Variants in ATP1A1 observed in about 807,000 individuals in gnomAD.
The protein encoded by ATP1A1 is sodium/potassium-transporting ATPase subunit alpha-1.
Under a neutral mutation model 114.8 loss-of-function variants are expected in ATP1A1, and 14 were observed. The observed-to-expected ratio is 0.12, with a 90% CI of 0.08 to 0.19. The LOEUF (loss-of-function observed/expected upper bound fraction) is 0.19, where lower values mean the gene tolerates loss of function less well. Among genes scored for constraint, ATP1A1 ranks in the 10% least tolerant of loss-of-function variants. The pLI, the probability that ATP1A1 is intolerant of heterozygous loss-of-function variation, is 1.00. For synonymous variants in ATP1A1, 471 were observed against 466.3 expected, an observed-to-expected ratio of 1.01 and a Z score of -0.13; for missense variants, 524 against 1,290.7, an observed-to-expected ratio of 0.41 and a Z score of 9.10.
At chr1:116,402,243 G>T (rs1398541778) in intron 21 of ATP1A1, among the ~76,000 whole-genome samples, 1 of 152,076 alleles carries the variant, frequency 6.6e-6, no homozygotes, top group East Asian at 1.9e-4. Context: ...TTTCAAAGAG[G>T]GTTTATCACA....
At position 116,384,125 on chromosome 1, in the gene ATP1A1, G is replaced by GATGATCA; in HGVS notation, c.123+1_123+2insATGATCA. On this transcript the variant is annotated splice_donor_variant, in intron 2 of 22. Transcript: ENST00000295598. LOFTEE classifies it high-confidence loss of function. This position sits in a 1 kb window ranked among gnomAD's most constrained non-coding sequence, Gnocchi z 5.1. ...TGAACTGAAGAAAGAAGTTTCTATGGTAAGTACTAGGAGGAATATTGTATT... is the reference window on the plus strand; with the variant it reads ...TGAACTGAAGAAAGAAGTTTCTATGGATGATCATAAGTACTAGGAGGAATATTGTATT... 1 of 1,609,624 alleles carries GATGATCA rather than the reference G, an allele frequency of 6.2e-7. No homozygotes were observed. Among genetic ancestry groups the GATGATCA allele is most frequent in the Non-Finnish European group, 8.5e-7 (1 of 1,175,978 alleles).
rs1318892925 is a variant in ATP1A1, at chr1:116,388,568, A to AT, written c.502-66dup. On this transcript the variant is annotated intron_variant, in intron 5 of 22. Coordinates refer to ENST00000295598, the MANE Select transcript of ATP1A1 (RefSeq NM_000701.8). This position sits in a 1 kb window ranked among gnomAD's most constrained non-coding sequence, Gnocchi z 5.6. Reference sequence around the variant, plus strand: ...GGTAATTAGGATTATGACTATTTTTATTTTCTTGTTTTGGACACTACCTTC... The same window carrying AT: ...GGTAATTAGGATTATGACTATTTTTATTTTTCTTGTTTTGGACACTACCTTC... 15 of 1,519,304 alleles carry AT rather than the reference A, an allele frequency of 9.9e-6. No individual in the cohort carries two copies. Among genetic ancestry groups the AT allele is most frequent in the Non-Finnish European group, 1.2e-5 (14 of 1,122,072 alleles). 94.1% of individuals were successfully genotyped at this position (1,519,304 alleles called of 1,614,324 possible).
At position 116,381,079 on chromosome 1, in the gene ATP1A1, C is replaced by T. The variant is rs1335864950; in HGVS notation, c.13-2935C>T. On this transcript the variant is annotated intron_variant, in intron 1 of 22. Transcript: ENST00000295598. The surrounding 1 kb of genome is among the most constrained non-coding windows in gnomAD (Gnocchi z 5.1). ...GAACATGATGAGAGTGAGGATTAAT[C>T]ACTCCCAGTCCTCTGGGAGGGGGGA... Among the ~76,000 whole-genome samples, 1 of 152,164 alleles carries T rather than the reference C, an allele frequency of 6.6e-6. No homozygotes were observed. The highest frequency in any genetic ancestry group is 1.5e-5 in the Non-Finnish European group (1 of 68,036).
At chr1:116,392,763 G>T in intron 10 of ATP1A1, 91 bp from the exon 11 acceptor site, 5 of 1,468,084 alleles carry the variant, frequency 3.4e-6, no homozygotes, top group Non-Finnish European at 4.6e-6. Context: ...TGACAAGATT[G>T]GAATGTGTCT....
chr1:116,399,263 A>G lies in ATP1A1; in HGVS notation c.2449-157A>G, dbSNP rs562680057. Reference sequence around the variant, plus strand: ...AATCAGTATTACCACTCTTCAAGGCAGCAGTTAACATTTGTTTATCAGATG... The same window carrying G: ...AATCAGTATTACCACTCTTCAAGGCGGCAGTTAACATTTGTTTATCAGATG... On this transcript the variant is annotated intron_variant, in intron 17 of 22. Transcript: ENST00000295598. The surrounding 1 kb of genome is among the most constrained non-coding windows in gnomAD (Gnocchi z 5.0). The G allele has an allele frequency of 1.5e-6, 2 of 1,342,046 alleles. No individual in the cohort carries two copies. Among genetic ancestry groups the G allele is most frequent in the East Asian group, 4.7e-5 (2 of 42,490 alleles). The allele number at this position is 1,342,046 out of a possible 1,614,324, so 83.1% of individuals were successfully genotyped here. A position where few individuals can be genotyped will look rare whatever the true frequency, so the allele number is the denominator to read the frequency against.
intron 1 of ATP1A1, chr1:116,373,875 G>T: frequency 7.9e-7 from 1 of 1,272,372 alleles, no homozygotes; most frequent in Non-Finnish European, 9.9e-7. Context: ...GCAGCAGCGG[G>T]GGCGGCCCCG....
chr1:116,391,444 A>C (rs1652468166), intron 10 of ATP1A1, among the ~76,000 whole-genome samples: 1 of 152,222 alleles, frequency 6.6e-6, no homozygotes, highest in African/African-American at 2.4e-5. Context: ...ATTCTGATGC[A>C]GTTTGAAATG....
intron 1 of ATP1A1, chr1:116,374,316 C>G: frequency 6.5e-7 from 1 of 1,545,986 alleles, no homozygotes; most frequent in South Asian, 1.2e-5. Context: ...AGTTGTCATC[C>G]GATGGTGGGG....
At position 116,399,782 on chromosome 1, in the gene ATP1A1, G is replaced by C. The variant is rs1371645233; in HGVS notation, c.2572+239G>C. Among the ~76,000 whole-genome samples, 1 of 152,176 alleles carries C rather than the reference G, an allele frequency of 6.6e-6. No homozygotes were observed. The highest frequency in any genetic ancestry group is 1.5e-5 in the Non-Finnish European group (1 of 68,022). ...CTGGTTTTCTATACTGAGCACCTTG[G>C]AACTGGGCTCAACTCTGCCTGAGAA... On this transcript the variant is annotated intron_variant, in intron 18 of 22. Transcript: ENST00000295598. The surrounding 1 kb of genome is among the most constrained non-coding windows in gnomAD (Gnocchi z 5.0).
Position 116,388,575 on chromosome 1 carries a change from T to G in ATP1A1, c.502-63T>G. The G allele has an allele frequency of 6.5e-7, 1 of 1,533,610 alleles. No homozygotes were observed. The highest frequency in any genetic ancestry group is 8.8e-7 in the Non-Finnish European group (1 of 1,132,392). ...AGGATTATGACTATTTTTATTTTCT[T>G]GTTTTGGACACTACCTTCTCTTTGT... On this transcript the variant is annotated intron_variant, in intron 5 of 22. Transcript: ENST00000295598. The surrounding 1 kb of genome is among the most constrained non-coding windows in gnomAD (Gnocchi z 5.6).
Position 116,401,774 on chromosome 1 carries a change from T to C in ATP1A1, c.2951+119T>C. 1.0e-6 allele frequency: 1 copy of C among 998,390 alleles called. No individual in the cohort carries two copies. The highest frequency in any genetic ancestry group is 1.5e-5 in the South Asian group (1 of 67,120). The allele number at this position is 998,390 out of a possible 1,614,324, so 61.8% of individuals were successfully genotyped here. On this transcript the variant is annotated intron_variant, in intron 21 of 22. Transcript: ENST00000295598. The surrounding 1 kb of genome is among the most constrained non-coding windows in gnomAD (Gnocchi z 4.7). ...TTTGAGTGGTATGTACAAAAATTCC[T>C]ATGGGTTGGAAAACTGTGAAAGCTT... is the stretch of plus-strand genomic sequence containing the variant.
Position 116,395,304 on chromosome 1 carries a change from C to T in ATP1A1, c.1836+19C>T. ...AATTAAGGTAGTGCCCAGGCGCCTC[C>T]TTGGCTTCATCTCTTAGTGCCTTGG... On this transcript the variant is annotated intron_variant, in intron 13 of 22. Coordinates refer to ENST00000295598, the MANE Select transcript of ATP1A1 (RefSeq NM_000701.8). This position sits in a 1 kb window ranked among gnomAD's most constrained non-coding sequence, Gnocchi z 6.4. The T allele has an allele frequency of 6.2e-7, 1 of 1,611,996 alleles. No homozygotes were observed. Among genetic ancestry groups the T allele is most frequent in the Non-Finnish European group, 8.5e-7 (1 of 1,179,122 alleles).
In ATP1A1 at chr1:116,398,761, T is replaced by C; in HGVS notation, c.2265T>C (p.Phe755=). 1 of 1,614,176 alleles carries C rather than the reference T, an allele frequency of 6.2e-7. No homozygotes were observed. The highest frequency in any genetic ancestry group is 1.3e-5 in the African/African-American group (1 of 75,030). Residue 755 remains phenylalanine, a synonymous_variant, in exon 16 of 23, where the codon TTT becomes TTC. Coordinates refer to ENST00000295598, the MANE Select transcript of ATP1A1 (RefSeq NM_000701.8). This position sits in a 1 kb window ranked among gnomAD's most constrained non-coding sequence, Gnocchi z 6.1. ...AADMILLDDN[F]ASIVTGVEEG... is the part of the protein sequence containing the mutation. ...ACATGATTCTTCTGGATGACAACTT[T>C]GCCTCAATTGTGACTGGAGTAGAGG...
intron 21 of ATP1A1, among the ~76,000 whole-genome samples, chr1:116,402,343 A>G (rs1369719776): frequency 6.6e-6 from 1 of 152,244 alleles, no homozygotes; most frequent in Non-Finnish European, 1.5e-5. Context: ...GTGCAAAGCC[A>G]CAGATTGTGG....
chr1:116,396,885 A>G, intron 14 of ATP1A1, 151 bp downstream of exon 14: 2 of 1,037,328 alleles, frequency 1.9e-6, no homozygotes, highest in Non-Finnish European at 2.6e-6. Context: ...TGTCATTCCT[A>G]AGAAGGGTTT....
chr1:116,383,337 GTTC>G lies in ATP1A1; in HGVS notation c.13-674_13-672del, dbSNP rs1467039217. On this transcript the variant is annotated intron_variant, in intron 1 of 22. Transcript: ENST00000295598. The stretch of plus-strand genomic sequence containing the variant: ...ATATGGGAAGCTGGTAAAGGTCAGT[GTTC>G]TTATGTGAGCACTAAAGATATTTAA... 8 of 1,070,088 alleles carry G rather than the reference GTTC, an allele frequency of 7.5e-6. No homozygotes were observed. The South Asian group carries it at 1.9e-4, about 25-fold the overall frequency. 66.3% of individuals were successfully genotyped at this position (1,070,088 alleles called of 1,614,324 possible).
chr1:116,389,140 A>G lies in ATP1A1; in HGVS notation c.754+121A>G, dbSNP rs1474834332. 1.8e-5 allele frequency: 19 copies of G among 1,057,856 alleles called. No individual in the cohort carries two copies. The highest frequency in any genetic ancestry group is 1.4e-6 in the Non-Finnish European group (1 of 705,142). 65.5% of individuals were successfully genotyped at this position (1,057,856 alleles called of 1,614,324 possible). On this transcript the variant is annotated intron_variant, in intron 7 of 22. Transcript: ENST00000295598. The surrounding 1 kb of genome is among the most constrained non-coding windows in gnomAD (Gnocchi z 6.9). ...CCATTTCTGAGAACTTGTGTCAAGC[A>G]CAGAGCAGAGGTGTTTTCCTAGCTG...
chr1:116,388,840 C>T lies in ATP1A1; in HGVS notation c.637-62C>T. On this transcript the variant is annotated intron_variant, in intron 6 of 22. Coordinates refer to ENST00000295598, the MANE Select transcript of ATP1A1 (RefSeq NM_000701.8). This position sits in a 1 kb window ranked among gnomAD's most constrained non-coding sequence, Gnocchi z 5.6. ...TTCGGGCAGCTTGATTTGAGGGGTA[C>T]AGTAGCCCATGATAAGGCTGGTGTA... is the stretch of plus-strand genomic sequence containing the variant. 2 of 1,613,046 alleles carry T rather than the reference C, an allele frequency of 1.2e-6. No homozygotes were observed. Among genetic ancestry groups the T allele is most frequent in the African/African-American group, 1.3e-5 (1 of 74,944 alleles).
chr1:116,380,645 C>G (rs1308314395), intron 1 of ATP1A1, among the ~76,000 whole-genome samples: 1 of 152,170 alleles, frequency 6.6e-6, no homozygotes, highest in African/African-American at 2.4e-5. Flanking sequence ...GGGGATGTCT[C>G]ACTCATTGTG....
Sources: allele counts gnomAD v4.1 joint callset (sites outside exome capture counted in the v4.1 genomes callset), GRCh38; gene constraint gnomAD v4.1.1; non-coding constraint Gnocchi (gnomAD v3.1); transcripts MANE v1.5; gene names NCBI Gene and HGNC (gene_info 2026-07-23, HGNC 2026-07-21).